MRTFA: variants seen among roughly 807,000 people sequenced by gnomAD.
MRTFA encodes the protein myocardin-related transcription factor A.
Under a neutral mutation model 83.5 loss-of-function variants are expected in MRTFA, and 20 were observed. The observed-to-expected ratio is 0.24, with a 90% CI of 0.17 to 0.35. The LOEUF (loss-of-function observed/expected upper bound fraction) is 0.35. MRTFA is among the 10% of genes least tolerant of loss of function. MRTFA has a pLI of 1.00. For synonymous variants in MRTFA, 659 were observed against 541.2 expected (o/e 1.22, Z -3.02); for missense variants, 1,200 against 1,224.7 (o/e 0.98, Z 0.30).
intron 4 of MRTFA, 23 bp downstream of exon 4, chr22:40,463,198 T>G: frequency 1.9e-6 from 3 of 1,608,814 alleles, no homozygotes; most frequent in Non-Finnish European, 2.6e-6. Context: ...ATCTACCAAA[T>G]GCTGAGAGAG....
intron 1 of MRTFA, among the ~76,000 whole-genome samples, chr22:40,617,275 T>G (rs1373780817): frequency 6.6e-6 from 1 of 151,016 alleles, no homozygotes; most frequent in East Asian, 2.0e-4. Context: ...TGGGAATCAT[T>G]GTCATGTAAA....
intron 2 of MRTFA, among the ~76,000 whole-genome samples, chr22:40,586,300 A>G (rs972279567): frequency 1.3e-5 from 2 of 152,128 alleles, no homozygotes; most frequent in Admixed American, 1.3e-4. Context: ...AAAGAACAGT[A>G]CAAACAATAA....
At chr22:40,515,201 C>T (rs2054737710) in intron 3 of MRTFA, among the ~76,000 whole-genome samples, 1 of 152,002 alleles carries the variant, frequency 6.6e-6, no homozygotes, top group South Asian at 2.1e-4. Context: ...GCCACTGTGC[C>T]CGGCCTTCTC....
chr22:40,443,915 G>A lies in MRTFA; in HGVS notation c.308-8361C>T, dbSNP rs578116556. ...GGGCTGGTGGAGAGCCATGACTTTC[G>A]CCACTGCCCAGTGGTAACAGCATGC... is the stretch of plus-strand genomic sequence containing the variant. On this transcript the variant is annotated intron_variant, in intron 4 of 14. Coordinates refer to ENST00000355630, the MANE Select transcript of MRTFA (RefSeq NM_020831.6). Among the ~76,000 whole-genome samples the A allele has an allele frequency of 9.3e-4, 142 of 152,266 alleles. 1 individual carries two copies. The Middle Eastern group carries it at 0.02, about 22-fold the overall frequency.
chr22:40,484,882 C>A lies in MRTFA; in HGVS notation c.242-21596G>T, dbSNP rs182297676. Reference sequence around the variant, plus strand: ...GGTCAGGAGATCGAGACCATCCTGGCCAACATGGTGAAACCCCGTCTCTAC... The same window carrying A: ...GGTCAGGAGATCGAGACCATCCTGGACAACATGGTGAAACCCCGTCTCTAC... On this transcript the variant is annotated intron_variant, in intron 3 of 14. Coordinates refer to ENST00000355630, the MANE Select transcript of MRTFA (RefSeq NM_020831.6). 2.1e-3 allele frequency among the ~76,000 whole-genome samples: 315 copies of A among 151,856 alleles called. 3 individuals carry two copies. The East Asian group carries it at 0.027, about 13-fold the overall frequency.
chr22:40,615,686 C>T (rs979202846), intron 1 of MRTFA, among the ~76,000 whole-genome samples: 42 of 142,326 alleles, frequency 3.0e-4, no homozygotes, highest in Middle Eastern at 3.6e-3. Context: ...ATTTTCTTTT[C>T]TTTTTTTTTT....
rs531560585 is a variant in MRTFA at position 40,452,884 on chromosome 22, G to A, written c.307+10337C>T. Among the ~76,000 whole-genome samples, 238 of 151,418 alleles carry A rather than the reference G, an allele frequency of 1.6e-3. 1 individual carries two copies. Among genetic ancestry groups the A allele is most frequent in the African/African-American group, 5.5e-3 (226 of 41,186 alleles). On this transcript the variant is annotated intron_variant, in intron 4 of 14. Transcript: ENST00000355630. ...ACAGCTCATGGTTGGATTCTTCTTC[G>A]GACCGAACCATGAATACACTCAGAA...
At chr22:40,492,134 G>A (rs2054281822) in intron 3 of MRTFA, among the ~76,000 whole-genome samples, 1 of 151,988 alleles carries the variant, frequency 6.6e-6, no homozygotes, top group Non-Finnish European at 1.5e-5. Flanking sequence ...GAGGAGATTC[G>A]AGTCTCCACA....
chr22:40,514,523 G>A (rs1056628708), intron 3 of MRTFA, among the ~76,000 whole-genome samples: 1 of 148,476 alleles, frequency 6.7e-6, no homozygotes, highest in African/African-American at 2.5e-5. Context: ...CGCCCAGGCT[G>A]GAGTGCGATG....
At chr22:40,423,360 G>A (rs1450201596) in intron 9 of MRTFA, among the ~76,000 whole-genome samples, 176 bp downstream of exon 9, 2 of 152,192 alleles carry the variant, frequency 1.3e-5, no homozygotes, top group Non-Finnish European at 2.9e-5. Context: ...TGGTGGCTAT[G>A]ATTGCAACAG....
At position 40,429,730 on chromosome 22, in the gene MRTFA, C is replaced by T. The variant is rs2053029464; in HGVS notation, c.477G>A (p.Leu159=). The T allele has an allele frequency of 1.2e-6, 2 of 1,614,006 alleles. No homozygotes were observed. The highest frequency in any genetic ancestry group is 2.2e-5 in the South Asian group (2 of 91,068). ...CGGCTAGTCTGGCTCTCTTCAGCTT[C>T]AGCTGCTTGGCCTGGAGGGATGGCT... Residue 159 remains leucine (L), a synonymous_variant, in exon 7 of 15, where the codon CTG becomes CTA. Transcript: ENST00000355630.
intron 3 of MRTFA, among the ~76,000 whole-genome samples, chr22:40,531,994 A>G (rs1043774525): frequency 6.6e-6 from 1 of 152,222 alleles, no homozygotes; most frequent in Non-Finnish European, 1.5e-5. Context: ...TACACGCTAC[A>G]GCAGACCCTT....
At chr22:40,524,925 G>C (rs547010971) in intron 3 of MRTFA, among the ~76,000 whole-genome samples, 1 of 151,928 alleles carries the variant, frequency 6.6e-6, no homozygotes, top group Admixed American at 6.6e-5. Flanking sequence ...CTCCTGCCTC[G>C]GCCTCCCAAG....
intron 7 of MRTFA, among the ~76,000 whole-genome samples, chr22:40,428,100 G>A (rs1174289503): frequency 6.6e-6 from 1 of 152,176 alleles, no homozygotes; most frequent in African/African-American, 2.4e-5. Context: ...TAAGTGAAGT[G>A]TTTCCCCAGG....
intron 3 of MRTFA, among the ~76,000 whole-genome samples, chr22:40,527,483 C>T (rs1158795551): frequency 6.6e-6 from 1 of 151,516 alleles, no homozygotes; most frequent in Non-Finnish European, 1.5e-5. Flanking sequence ...GTGGGCCAGG[C>T]GCAGTGGCTC....
At chr22:40,495,282 TA>T (rs886531195) in intron 3 of MRTFA, among the ~76,000 whole-genome samples, 1 of 150,320 alleles carries the variant, frequency 6.7e-6, no homozygotes, top group South Asian at 2.1e-4. Flanking sequence ...CTGTCTCTAC[TA>T]AAAAAAAATA....
rs565658671 is a variant in MRTFA at position 40,478,333 on chromosome 22, T to C, written c.242-15047A>G. Among the ~76,000 whole-genome samples the C allele has an allele frequency of 2.6e-5, 4 of 152,290 alleles. No individual in the cohort carries two copies. In the South Asian group the frequency reaches 8.3e-4, roughly 32 times the overall value. The stretch of plus-strand genomic sequence containing the variant: ...TTTACTTAACAGTAATGTACTAATG[T>C]TCATCTCTCAGTTTTGACAAATGTA... On this transcript the variant is annotated intron_variant, in intron 3 of 14. Coordinates refer to ENST00000355630, the MANE Select transcript of MRTFA (RefSeq NM_020831.6).
chr22:40,444,261 G>GA (rs1275021850), intron 4 of MRTFA, among the ~76,000 whole-genome samples: 5 of 152,110 alleles, frequency 3.3e-5, no homozygotes, highest in African/African-American at 1.2e-4. Context: ...ACAACAGAAA[G>GA]AAAAGAGACT....
rs531780080 is a variant in MRTFA at position 40,431,910 on chromosome 22, G to A, written c.364-430C>T. 5.9e-5 allele frequency among the ~76,000 whole-genome samples: 9 copies of A among 152,234 alleles called. No homozygotes were observed. In the South Asian group the frequency reaches 6.2e-4, roughly 11 times the overall value. On this transcript the variant is annotated intron_variant, in intron 5 of 14. Coordinates refer to ENST00000355630, the MANE Select transcript of MRTFA (RefSeq NM_020831.6). ...CAGAAAATAGGCTTAACTTTGCAGC[G>A]CTGTAATCACACTGAATATGATTTT...
Sources: allele counts gnomAD v4.1 joint callset (sites outside exome capture counted in the v4.1 genomes callset), GRCh38; gene constraint gnomAD v4.1.1; transcripts MANE v1.5; gene names NCBI Gene and HGNC (gene_info 2026-07-23, HGNC 2026-07-21).